Variants in DPYSL5 observed in about 807,000 individuals in gnomAD.
DPYSL5 encodes dihydropyrimidinase-related protein 5.
In DPYSL5, 9 loss-of-function variants were observed where a neutral mutation model predicts 58.4. The observed-to-expected ratio is 0.15, with a 90% CI of 0.09 to 0.27. DPYSL5 has a LOEUF of 0.27. Ranked by LOEUF, DPYSL5 falls within the 10% of genes least tolerant of loss-of-function variation. The probability of loss-of-function intolerance (pLI) is 1.00; values close to 1 mark genes in which losing one functional copy is unlikely to be tolerated. For missense variants in DPYSL5, 499 were observed against 770.6 expected (o/e 0.65, Z 4.17); for synonymous variants, 293 against 301.9 (o/e 0.97, Z 0.31).
chr2:26,896,535 C>T (rs1274013082), intron 1 of DPYSL5, among the ~76,000 whole-genome samples: 3 of 152,182 alleles, frequency 2.0e-5, no homozygotes, highest in Admixed American at 2.0e-4. Flanking sequence ...TCTCCACATC[C>T]TTGCCAACAC....
At chr2:26,908,709 G>A (rs887968320) in intron 2 of DPYSL5, among the ~76,000 whole-genome samples, 1 of 152,198 alleles carries the variant, frequency 6.6e-6, no homozygotes, top group African/African-American at 2.4e-5. Flanking sequence ...CACCCTCTGT[G>A]ATTGAGGCCA....
chr2:26,903,322 G>A (rs371489257), intron 2 of DPYSL5, among the ~76,000 whole-genome samples: 62 of 152,108 alleles, frequency 4.1e-4, no homozygotes, highest in Middle Eastern at 6.8e-3. Flanking sequence ...CACCCGCTTC[G>A]GCCTCCCAAA....
chr2:26,918,135 C>CAA lies in DPYSL5; in HGVS notation c.262-6726_262-6725dup, dbSNP rs71401540. 3.3e-4 allele frequency among the ~76,000 whole-genome samples: 18 copies of CAA among 54,072 alleles called. 1 individual carries two copies. Among genetic ancestry groups the CAA allele is most frequent in the African/African-American group, 1.1e-3 (14 of 12,772 alleles). 35.5% of individuals were successfully genotyped at this position (54,072 alleles called of 152,430 possible). ...TGGGTGACAGAGCAAGAGTCTGTCT[C>CAA]AAAAAAAAAAAAAAAAAAAAAAAAA... On this transcript the variant is annotated intron_variant, in intron 2 of 12. Transcript: ENST00000288699.
At chr2:26,920,125 G>A (rs1018814634) in intron 2 of DPYSL5, among the ~76,000 whole-genome samples, 2 of 152,066 alleles carry the variant, frequency 1.3e-5, no homozygotes, top group Admixed American at 1.3e-4. Context: ...CTTCAGGGAA[G>A]AGAGGGATGG....
intron 5 of DPYSL5, 28 bp from the exon 6 acceptor site, chr2:26,931,612 G>T: frequency 1.9e-6 from 3 of 1,613,590 alleles, no homozygotes; most frequent in Non-Finnish European, 2.5e-6. Flanking sequence ...GTGAAGTTTG[G>T]TTTCCTCCTG....
chr2:26,944,790 G>A lies in DPYSL5; in HGVS notation c.1575G>A (p.Met525Ile). The A allele has an allele frequency of 1.9e-6, 3 of 1,614,172 alleles. No homozygotes were observed. Among genetic ancestry groups the A allele is most frequent in the Non-Finnish European group, 2.5e-6 (3 of 1,180,026 alleles). ...GGCCCGTCACCCGGCATGGGGGCAT[G>A]AGGGACCTTCACGAATCCAGCTTCA... ...PTRPVTRHGG[M>I]RDLHESSFSL... The change falls in exon 12 of 13, where the codon ATG becomes ATA. Residue 525 changes from methionine (M) to isoleucine (I), a missense_variant. Around this residue, in one of 3 missense-constraint regions of DPYSL5, gnomAD observed 33 missense variants for 63.8 expected, o/e 0.52. Coordinates refer to ENST00000288699, the MANE Select transcript of DPYSL5 (RefSeq NM_020134.4). This position sits in a 1 kb window ranked among gnomAD's most constrained non-coding sequence, Gnocchi z 4.4.
intron 1 of DPYSL5, among the ~76,000 whole-genome samples, chr2:26,884,074 G>A (rs1269092032): frequency 6.6e-6 from 1 of 152,188 alleles, no homozygotes; most frequent in African/African-American, 2.4e-5. Flanking sequence ...TTCCAGGGGA[G>A]ATGATGGAAT....
chr2:26,891,245 A>G (rs184371486), intron 1 of DPYSL5, among the ~76,000 whole-genome samples: 1 of 152,328 alleles, frequency 6.6e-6, no homozygotes, highest in African/African-American at 2.4e-5. Context: ...CGAAGGGCCC[A>G]GTATATAGTC....
intron 2 of DPYSL5, among the ~76,000 whole-genome samples, chr2:26,920,696 C>T (rs1040316408): frequency 3.9e-5 from 6 of 152,184 alleles, no homozygotes; most frequent in African/African-American, 7.2e-5. Flanking sequence ...ACTCGGGAGG[C>T]GGAGGTTGCA....
At chr2:26,862,623 C>T (rs143165198) in intron 1 of DPYSL5, among the ~76,000 whole-genome samples, 1 of 152,300 alleles carries the variant, frequency 6.6e-6, no homozygotes, top group African/African-American at 2.4e-5. Flanking sequence ...ACTCTTCCTT[C>T]CCCCTCCCCA....
intron 1 of DPYSL5, among the ~76,000 whole-genome samples, chr2:26,894,950 A>G (rs1032618299): frequency 6.6e-6 from 1 of 152,220 alleles, no homozygotes; most frequent in African/African-American, 2.4e-5. Flanking sequence ...TGGTTACTTG[A>G]TGCATAATCC....
rs974740501 is a variant in DPYSL5, at chr2:26,924,216, T to G, written c.262-671T>G. 1.3e-5 allele frequency among the ~76,000 whole-genome samples: 2 copies of G among 152,206 alleles called. No individual in the cohort carries two copies. Among genetic ancestry groups the G allele is most frequent in the Non-Finnish European group, 2.9e-5 (2 of 68,036 alleles). On this transcript the variant is annotated intron_variant, in intron 2 of 12. Transcript: ENST00000288699. This position sits in a 1 kb window ranked among gnomAD's most constrained non-coding sequence, Gnocchi z 4.7. ...AGTTGTGAATAGGATCCGTTTTCACTGATAAATCACACATGCATCTAAAAA... is the reference window on the plus strand; with the variant it reads ...AGTTGTGAATAGGATCCGTTTTCACGGATAAATCACACATGCATCTAAAAA...
intron 1 of DPYSL5, among the ~76,000 whole-genome samples, chr2:26,879,460 G>GA (rs748100269): frequency 0.028 from 2,076 of 73,964 alleles, 42 homozygotes; most frequent in African/African-American, 0.068. Context: ...ATCTCTATTT[G>GA]AAAAAAAAAA....
chr2:26,881,168 G>A (rs1369816143), intron 1 of DPYSL5, among the ~76,000 whole-genome samples: 2 of 152,026 alleles, frequency 1.3e-5, no homozygotes. Flanking sequence ...TCACCCTGCG[G>A]CCCACCCCAT....
chr2:26,928,232 T>G, intron 4 of DPYSL5, 23 bp from the exon 5 acceptor site: 8 of 1,613,190 alleles, frequency 5.0e-6, no homozygotes, highest in Non-Finnish European at 5.9e-6. Flanking sequence ...TCTCTCCATT[T>G]TCTTTCTCTT....
At chr2:26,917,265 G>T (rs1476998150) in intron 2 of DPYSL5, among the ~76,000 whole-genome samples, 1 of 152,130 alleles carries the variant, frequency 6.6e-6, no homozygotes, top group Non-Finnish European at 1.5e-5. Context: ...TGGATGATGT[G>T]GTAAAGGCTG....
At position 26,927,140 on chromosome 2, in the gene DPYSL5, G is replaced by T; in HGVS notation, c.421-113G>T. 8.5e-7 allele frequency: 1 copy of T among 1,170,120 alleles called. No individual in the cohort carries two copies. Among genetic ancestry groups the T allele is most frequent in the South Asian group, 1.6e-5 (1 of 63,298 alleles). 72.5% of individuals were successfully genotyped at this position (1,170,120 alleles called of 1,614,324 possible). ...GATAGAGAGGTGTGGGGGGTCAACC[G>T]ACAGACTGAGCTGGGGCAGGCCCCA... On this transcript the variant is annotated intron_variant, in intron 3 of 12. Transcript: ENST00000288699. The surrounding 1 kb of genome is among the most constrained non-coding windows in gnomAD (Gnocchi z 4.3).
intron 2 of DPYSL5, among the ~76,000 whole-genome samples, chr2:26,917,647 C>A (rs1053049293): frequency 6.6e-6 from 1 of 152,114 alleles, no homozygotes; most frequent in Admixed American, 6.5e-5. Context: ...AGCAACCCCC[C>A]ACCCATGTGA....
intron 2 of DPYSL5, among the ~76,000 whole-genome samples, chr2:26,908,917 A>G (rs987064634): frequency 1.3e-5 from 2 of 152,164 alleles, no homozygotes; most frequent in South Asian, 4.1e-4. Context: ...TTCTTAAATT[A>G]AGCTTGTATC....
Sources: gnomAD v4.1 joint callset for allele counts (sites outside exome capture counted in the v4.1 genomes callset) on GRCh38, gnomAD v4.1.1 for gene constraint, gnomAD v4.1.1 regional missense constraint, Gnocchi (gnomAD v3.1) non-coding constraint, MANE v1.5 for transcripts, NCBI Gene and HGNC (gene_info 2026-07-23, HGNC 2026-07-21) for gene names.